The following CDH4 variants were observed in gnomAD, a reference collection of about 807,000 sequenced individuals.
CDH4 encodes the protein cadherin 4, also known as cadherin-4.
A neutral mutation model predicts 86.0 loss-of-function variants in CDH4; 33 were observed. The ratio of observed to expected loss-of-function variants is 0.38; its 90% CI spans 0.29 to 0.51. The LOEUF (loss-of-function observed/expected upper bound fraction) is 0.51. Ranked by LOEUF, CDH4 falls within the 20% of genes least tolerant of loss-of-function variation. The pLI is 0.86. For missense variants in CDH4, 1,114 were observed against 1,307.4 expected (o/e 0.85, Z 2.28); for synonymous variants, 555 against 549.4 (o/e 1.01, Z -0.14).
At chr20:61,875,738 T>C (rs11908250) in intron 7 of CDH4, among the ~76,000 whole-genome samples, 123,175 of 152,154 alleles carry the variant, frequency 0.81, 49,997 homozygotes, top group Admixed American at 0.88. Flanking sequence ...AGACAAGGCT[T>C]TGCAGATGAG....
intron 7 of CDH4, 107 bp from the exon 8 acceptor site, chr20:61,894,802 CG>C (rs1985021848): frequency 1.6e-6 from 2 of 1,242,806 alleles, no homozygotes; most frequent in Admixed American, 4.5e-5. Flanking sequence ...GAAAGAGAAC[CG>C]GTTCCAGGAA....
At chr20:61,541,816 A>T (rs1661458241) in intron 2 of CDH4, among the ~76,000 whole-genome samples, 1 of 152,058 alleles carries the variant, frequency 6.6e-6, no homozygotes, top group Non-Finnish European at 1.5e-5. Context: ...GTGTGCCAGG[A>T]TCCCTCTCTC....
intron 2 of CDH4, among the ~76,000 whole-genome samples, chr20:61,618,500 C>T (rs531406685): frequency 2.1e-4 from 32 of 152,288 alleles, no homozygotes; most frequent in African/African-American, 6.7e-4. Context: ...GGGGCAGGAG[C>T]GGGCCCTTCC....
chr20:61,801,667 C>A (rs1979837496), intron 4 of CDH4, among the ~76,000 whole-genome samples: 1 of 142,580 alleles, frequency 7.0e-6, no homozygotes. Flanking sequence ...CCTGCCCTTT[C>A]CCGTTTCTAG....
intron 2 of CDH4, among the ~76,000 whole-genome samples, chr20:61,662,329 G>C (rs1003349126): frequency 1.3e-5 from 2 of 152,236 alleles, no homozygotes; most frequent in African/African-American, 4.8e-5. Flanking sequence ...TGGCTTCCTG[G>C]AGCCGCACAG....
intron 3 of CDH4, among the ~76,000 whole-genome samples, chr20:61,768,563 T>C (rs1241213040): frequency 6.6e-6 from 1 of 152,200 alleles, no homozygotes; most frequent in African/African-American, 2.4e-5. Flanking sequence ...AGAAAATATT[T>C]TTAAGTGTAA....
rs2084790688 is a variant in CDH4, at chr20:61,362,711, C to T, written c.169+107774C>T. 2.0e-5 allele frequency among the ~76,000 whole-genome samples: 3 copies of T among 152,068 alleles called. No homozygotes were observed. In the South Asian group the frequency reaches 6.2e-4, roughly 32 times the overall value. On this transcript the variant is annotated intron_variant, in intron 2 of 15. Coordinates refer to ENST00000614565, the MANE Select transcript of CDH4 (RefSeq NM_001794.5). ...TGATGACCTCCGGGGCCATCAGTGCCCCTGGCTGGATGGGGTGGGGGGCAC... is the reference window on the plus strand; with the variant it reads ...TGATGACCTCCGGGGCCATCAGTGCTCCTGGCTGGATGGGGTGGGGGGCAC...
At chr20:61,611,221 C>G (rs2086682944) in intron 2 of CDH4, among the ~76,000 whole-genome samples, 2 of 152,044 alleles carry the variant, frequency 1.3e-5, no homozygotes, top group African/African-American at 2.4e-5. Flanking sequence ...CTTCCTCTCC[C>G]TGGGGATCAG....
chr20:61,827,504 T>G (rs896277825), intron 4 of CDH4, among the ~76,000 whole-genome samples: 3 of 152,234 alleles, frequency 2.0e-5, no homozygotes, highest in African/African-American at 4.8e-5. Context: ...GTGAAATCAA[T>G]GATTTCTACT....
At chr20:61,790,418 ATCCATTCATCTC>A (rs1457456850) in intron 4 of CDH4, among the ~76,000 whole-genome samples, 1 of 135,462 alleles carries the variant, frequency 7.4e-6, no homozygotes, top group Non-Finnish European at 1.6e-5. Flanking sequence ...CTACCCATCT[ATCCATTCATCTC>A]TCCATCCATC....
intron 2 of CDH4, among the ~76,000 whole-genome samples, chr20:61,575,263 G>A (rs151136454): frequency 1.7e-4 from 26 of 152,292 alleles, no homozygotes; most frequent in Middle Eastern, 3.4e-3. Flanking sequence ...GCAACGACAG[G>A]TCTAAGCCTG....
intron 2 of CDH4, chr20:61,499,322 T>C (rs561532134): frequency 7.4e-5 from 39 of 529,832 alleles, no homozygotes; most frequent in South Asian, 6.5e-4. Flanking sequence ...GGTACTTTCA[T>C]CCCCTATGCC....
At chr20:61,855,867 G>C (rs1982976085) in intron 6 of CDH4, among the ~76,000 whole-genome samples, 1 of 152,198 alleles carries the variant, frequency 6.6e-6, no homozygotes, top group Admixed American at 6.5e-5. Flanking sequence ...TATGTTGAGT[G>C]AAACGTCCAT....
intron 2 of CDH4, among the ~76,000 whole-genome samples, chr20:61,545,581 T>TC (rs920355759): frequency 2.6e-5 from 4 of 152,242 alleles, no homozygotes; most frequent in Admixed American, 2.0e-4. Flanking sequence ...GACTTTTTTT[T>TC]CATGATCACC....
rs183293989 is a variant in CDH4, at chr20:61,671,184, T to C, written c.170-72379T>C. On this transcript the variant is annotated intron_variant, in intron 2 of 15. Transcript: ENST00000614565. ...GATCCGTGGATGAATGGATGGATCATTGGATGGATGGATAAAGAATAAGTG... is the reference window on the plus strand; with the variant it reads ...GATCCGTGGATGAATGGATGGATCACTGGATGGATGGATAAAGAATAAGTG... Among the ~76,000 whole-genome samples, 25 of 151,640 alleles carry C rather than the reference T, an allele frequency of 1.6e-4. No individual in the cohort carries two copies. In the East Asian group the frequency reaches 4.5e-3, roughly 27 times the overall value.
chr20:61,289,426 C>T (rs989640283), intron 2 of CDH4, among the ~76,000 whole-genome samples: 2 of 152,250 alleles, frequency 1.3e-5, no homozygotes, highest in African/African-American at 4.8e-5. Flanking sequence ...TTCTGAAACT[C>T]TCTGCCTGCT....
chr20:61,387,854 A>AC (rs1425520291), intron 2 of CDH4, among the ~76,000 whole-genome samples: 2 of 92,230 alleles, frequency 2.2e-5, no homozygotes, highest in Admixed American at 1.2e-4. Flanking sequence ...TCCCGGCCCC[A>AC]CCCCCCTCTG....
At chr20:61,743,822 T>C in intron 3 of CDH4, 33 bp downstream of exon 3, 2 of 1,489,892 alleles carry the variant, frequency 1.3e-6, no homozygotes, top group Non-Finnish European at 1.8e-6. Flanking sequence ...TGCGCTGGAG[T>C]TTAGATGACC....
At chr20:61,387,774 G>A (rs1014627900) in intron 2 of CDH4, among the ~76,000 whole-genome samples, 1 of 152,184 alleles carries the variant, frequency 6.6e-6, no homozygotes, top group African/African-American at 2.4e-5. Flanking sequence ...CCACGGTGAA[G>A]CTTTTCCGCA....
Sources: allele counts gnomAD v4.1 joint callset (sites outside exome capture counted in the v4.1 genomes callset), GRCh38; gene constraint gnomAD v4.1.1; transcripts MANE v1.5; gene names NCBI Gene and HGNC (gene_info 2026-07-23, HGNC 2026-07-21).